Variants in CA10 observed in about 807,000 individuals in gnomAD.
The protein encoded by CA10 is carbonic anhydrase 10 (inactive).
In CA10, 14 loss-of-function variants were observed where a neutral mutation model predicts 44.2. That is an observed-to-expected ratio of 0.32 (90% CI 0.21 to 0.50). The LOEUF is 0.50. CA10 is among the 20% of genes least tolerant of loss of function. CA10 has a pLI of 0.99. For missense variants in CA10, 350 were observed against 409.7 expected, an observed-to-expected ratio of 0.85 and a Z score of 1.26; for synonymous variants, 159 against 141.6, an observed-to-expected ratio of 1.12 and a Z score of -0.87.
chr17:51,940,699 T>TG (rs1449245028), intron 2 of CA10, among the ~76,000 whole-genome samples: 5 of 150,118 alleles, frequency 3.3e-5, no homozygotes, highest in Non-Finnish European at 7.4e-5. Context: ...AAAAACACCC[T>TG]GGCAAGTGGT....
chr17:52,058,720 G>A (rs1987296610), intron 2 of CA10, among the ~76,000 whole-genome samples: 1 of 152,196 alleles, frequency 6.6e-6, no homozygotes, highest in Admixed American at 6.5e-5. Flanking sequence ...TAAGCCCTAT[G>A]TCAAGAGAAG....
At chr17:51,914,201 A>C (rs1401248255) in intron 3 of CA10, among the ~76,000 whole-genome samples, 1 of 152,162 alleles carries the variant, frequency 6.6e-6, no homozygotes, top group Non-Finnish European at 1.5e-5. Flanking sequence ...CAAAAACAGT[A>C]AGGTCTGTCC....
chr17:52,017,695 T>C (rs73989019), intron 2 of CA10, among the ~76,000 whole-genome samples: 18,352 of 152,024 alleles, frequency 0.12, 1,175 homozygotes, highest in South Asian at 0.23. Flanking sequence ...CCTGGCCACA[T>C]AGTAGAGAAG....
intron 1 of CA10, among the ~76,000 whole-genome samples, chr17:52,094,274 A>G (rs1988345814): frequency 1.3e-5 from 2 of 151,918 alleles, no homozygotes; most frequent in African/African-American, 2.4e-5. Flanking sequence ...TGTAACCCAT[A>G]ACTTAAAGTA....
At chr17:51,688,637 G>A (rs975496774) in intron 4 of CA10, among the ~76,000 whole-genome samples, 3 of 152,056 alleles carry the variant, frequency 2.0e-5, no homozygotes, top group Admixed American at 6.6e-5. Flanking sequence ...ACTATTTCAT[G>A]CCTAAATGAT....
At chr17:51,983,877 G>A (rs1984737251) in intron 2 of CA10, among the ~76,000 whole-genome samples, 2 of 151,738 alleles carry the variant, frequency 1.3e-5, no homozygotes, top group South Asian at 4.1e-4. Flanking sequence ...GGTGGCAGGG[G>A]AAGCTTGCCA....
At chr17:51,821,054 TCC>T (rs1907769484) in intron 3 of CA10, among the ~76,000 whole-genome samples, 1 of 32,580 alleles carries the variant, frequency 3.1e-5, no homozygotes. Flanking sequence ...CCTCCCTCCC[TCC>T]CTCCCTCTCT....
intron 4 of CA10, among the ~76,000 whole-genome samples, chr17:51,680,099 G>GA (rs1178976351): frequency 1.2e-4 from 18 of 151,738 alleles, no homozygotes; most frequent in Admixed American, 3.3e-4. Flanking sequence ...GCCCTTCACT[G>GA]GAAAAAAAAA....
At chr17:51,874,575 AC>A (rs1979968062) in intron 3 of CA10, among the ~76,000 whole-genome samples, 1 of 152,186 alleles carries the variant, frequency 6.6e-6, no homozygotes, top group Admixed American at 6.5e-5. Context: ...ATGAGAGAGC[AC>A]CAGGTGACCT....
rs140995258 is a variant in CA10, at chr17:51,638,850, A to T, written c.635-2841T>A. Among the ~76,000 whole-genome samples, 321 of 152,218 alleles carry T rather than the reference A, an allele frequency of 2.1e-3. 1 individual carries two copies. The highest frequency in any genetic ancestry group is 7.3e-3 in the African/African-American group (305 of 41,532). On this transcript the variant is annotated intron_variant, in intron 6 of 8. Transcript: ENST00000451037. ...AGGAGGTGATCAGTTTGTAGCTGGG[A>T]ATCGGGTAGGGTGTCAAGGCCACTG...
intron 3 of CA10, among the ~76,000 whole-genome samples, chr17:51,806,978 A>C (rs1399267219): frequency 6.6e-6 from 1 of 152,226 alleles, no homozygotes; most frequent in Non-Finnish European, 1.5e-5. Flanking sequence ...ATCATGTAAC[A>C]GGCTTGAAGG....
chr17:52,112,257 A>G (rs1988803201), intron 1 of CA10, among the ~76,000 whole-genome samples: 2 of 152,192 alleles, frequency 1.3e-5, no homozygotes, highest in African/African-American at 4.8e-5. Context: ...GTATTAATAC[A>G]TCCACTTTAA....
chr17:51,814,716 T>C (rs1190327936), intron 3 of CA10, among the ~76,000 whole-genome samples: 1 of 152,224 alleles, frequency 6.6e-6, no homozygotes, highest in South Asian at 2.1e-4. Flanking sequence ...CCAGTTCTTC[T>C]GTTTCTGAGT....
chr17:52,033,217 C>T (rs1986520128), intron 2 of CA10, among the ~76,000 whole-genome samples: 1 of 152,150 alleles, frequency 6.6e-6, no homozygotes, highest in South Asian at 2.1e-4. Flanking sequence ...GATACTGTGG[C>T]TCATACCAAT....
intron 3 of CA10, among the ~76,000 whole-genome samples, chr17:51,864,545 T>C (rs1008552727): frequency 2.0e-5 from 3 of 152,216 alleles, no homozygotes; most frequent in African/African-American, 7.2e-5. Context: ...TTCTTACTAC[T>C]GTGAAACAGA....
intron 2 of CA10, among the ~76,000 whole-genome samples, chr17:51,994,653 C>T (rs996819): frequency 0.039 from 5,977 of 152,058 alleles, 185 homozygotes; most frequent in Middle Eastern, 0.1. Flanking sequence ...TCTACACAGA[C>T]TAAATTTAGA....
intron 4 of CA10, among the ~76,000 whole-genome samples, chr17:51,673,994 T>C (rs1243951438): frequency 1.3e-5 from 2 of 152,144 alleles, no homozygotes; most frequent in Admixed American, 1.3e-4. Flanking sequence ...TCTGGAAAAC[T>C]CTTACTCATC....
chr17:51,694,480 A>T (rs1241532594), intron 4 of CA10, among the ~76,000 whole-genome samples: 1 of 145,500 alleles, frequency 6.9e-6, no homozygotes, highest in East Asian at 2.0e-4. Flanking sequence ...TGTCTTTTGC[A>T]CACTTTTTAA....
At chr17:51,647,217 C>T (rs563857087) in intron 6 of CA10, among the ~76,000 whole-genome samples, 11 of 152,302 alleles carry the variant, frequency 7.2e-5, no homozygotes, top group South Asian at 4.1e-4. Flanking sequence ...CCCTCTGCCC[C>T]GTCACAGCTC....
Sources: gnomAD v4.1 joint callset for allele counts (sites outside exome capture counted in the v4.1 genomes callset) on GRCh38, gnomAD v4.1.1 for gene constraint, MANE v1.5 for transcripts, NCBI Gene and HGNC (gene_info 2026-07-23, HGNC 2026-07-21) for gene names.